Variants in MGAT4A observed in about 807,000 individuals in gnomAD.
MGAT4A encodes N-acetylglucosaminyltransferase IVa.
A neutral mutation model predicts 74.1 loss-of-function variants in MGAT4A; 33 were observed. The observed-to-expected ratio is 0.45, with a 90% CI of 0.34 to 0.60. MGAT4A has a LOEUF of 0.60. Among genes scored for constraint, MGAT4A ranks in the 20% least tolerant of loss-of-function variants. The pLI is 0.02. For synonymous variants in MGAT4A, 198 were observed against 210.4 expected, an observed-to-expected ratio of 0.94 and a Z score of 0.51; for missense variants, 479 against 628.3, an observed-to-expected ratio of 0.76 and a Z score of 2.54.
intron 1 of MGAT4A, among the ~76,000 whole-genome samples, chr2:98,729,988 G>T (rs560163471): frequency 4.6e-5 from 7 of 152,288 alleles, no homozygotes; most frequent in African/African-American, 1.7e-4. Flanking sequence ...TTACACGTGT[G>T]GGTTAAAGAA....
At chr2:98,675,678 C>T (rs779413982) in intron 3 of MGAT4A, among the ~76,000 whole-genome samples, 2 of 151,782 alleles carry the variant, frequency 1.3e-5, no homozygotes, top group African/African-American at 4.8e-5. Context: ...CTCCTGAGTA[C>T]CTGGGACTGC....
intron 14 of MGAT4A, among the ~76,000 whole-genome samples, chr2:98,631,304 G>A (rs761291568): frequency 3.3e-5 from 5 of 152,220 alleles, no homozygotes; most frequent in Non-Finnish European, 7.3e-5. Context: ...CCCCTCTCCA[G>A]GGCCAGTCTT....
intron 2 of MGAT4A, among the ~76,000 whole-genome samples, chr2:98,699,223 T>C (rs761916232): frequency 3.2e-4 from 48 of 152,232 alleles, no homozygotes; most frequent in Admixed American, 7.9e-4. Context: ...TCAAAGGCTA[T>C]TACTGCGGGC....
In MGAT4A at chr2:98,678,363, T is replaced by A. The variant is rs936305250; in HGVS notation, c.203A>T (p.Gln68Leu). ...TGTTTCTGCTCCTACACGCTTGAACTGTTGCACAATCGTATTTAATTCAGA... is the reference window on the plus strand; with the variant it reads ...TGTTTCTGCTCCTACACGCTTGAACAGTTGCACAATCGTATTTAATTCAGA... ...RSSELNTIVQ[Q>L]FKRVGAETNG... The change falls in exon 3 of 16, where the codon CAG (glutamine) becomes CTG (leucine). Residue 68 changes from glutamine (Q) to leucine (L), a missense_variant. Gln to Leu is a moderately radical substitution (Grantham distance 113). Coordinates refer to ENST00000393487, the MANE Select transcript of MGAT4A (RefSeq NM_012214.3). 8 of 1,571,318 alleles carry A rather than the reference T, an allele frequency of 5.1e-6. No homozygotes were observed. In the Admixed American group the frequency reaches 1.2e-4, roughly 23 times the overall value.
In MGAT4A at chr2:98,663,046, C is replaced by T; in HGVS notation, c.537G>A (p.Glu179=). ...AACATAACAACAATTAAATAATTACCTCTCCTATGAAGACTACTATAACAC... is the reference window on the plus strand; with the variant it reads ...AACATAACAACAATTAAATAATTACTTCTCCTATGAAGACTACTATAACAC... ...LDCVIVVFIG[E]TDIDYVHGVV... Residue 179 remains glutamate (E), a splice_region_variant and synonymous_variant, in exon 5 of 16, where the codon GAG becomes GAA. Transcript: ENST00000393487. The T allele has an allele frequency of 6.7e-7, 1 of 1,482,098 alleles. No homozygotes were observed. Among genetic ancestry groups the T allele is most frequent in the Non-Finnish European group, 9.1e-7 (1 of 1,104,900 alleles). 91.8% of individuals were successfully genotyped at this position (1,482,098 alleles called of 1,614,324 possible).
At position 98,621,532 on chromosome 2, in the gene MGAT4A, T is replaced by C. The variant is rs1167531478; in HGVS notation, c.*4034A>G. 6.4e-7 allele frequency: 1 copy of C among 1,551,590 alleles called. No homozygotes were observed. The highest frequency in any genetic ancestry group is 8.7e-7 in the Non-Finnish European group (1 of 1,146,924). On this transcript the variant is annotated 3_prime_UTR_variant, in exon 16 of 16. Transcript: ENST00000393487. The stretch of plus-strand genomic sequence containing the variant: ...TTTTAAAGGAGTCACAAGATTTGAT[T>C]AGCCACCCCCAGACAGTCTTCCTTT...
Position 98,675,063 on chromosome 2 carries a change from A to G in MGAT4A, c.375T>C (p.Ala125=). Residue 125 remains alanine, a synonymous_variant, in exon 4 of 16, where the codon GCT becomes GCC. Coordinates refer to ENST00000393487, the MANE Select transcript of MGAT4A (RefSeq NM_012214.3). ...CTGTTCTTCCGTTGCCAATCTGTAC[A>G]GCAGGTTGAAGACTTCCTTCATTTT... The part of the protein sequence containing the change: ...LLKNEGSLQP[A]VQIGNGRTGV... The G allele has an allele frequency of 1.9e-6, 3 of 1,611,652 alleles. No homozygotes were observed. Among genetic ancestry groups the G allele is most frequent in the South Asian group, 1.1e-5 (1 of 90,240 alleles).
At chr2:98,730,375 C>CT (rs1175979164) in intron 1 of MGAT4A, 19 of 152,206 alleles carry the variant, frequency 1.2e-4, no homozygotes, top group African/African-American at 4.3e-4. Flanking sequence ...CCTCAGGGTC[C>CT]TACTGCAGCT....
At chr2:98,675,541 C>T (rs1701967383) in intron 3 of MGAT4A, among the ~76,000 whole-genome samples, 1 of 150,198 alleles carries the variant, frequency 6.7e-6, no homozygotes, top group South Asian at 2.1e-4. Flanking sequence ...CCATCAATCA[C>T]TTCCATTTTC....
chr2:98,667,155 T>C (rs780626830), intron 4 of MGAT4A, among the ~76,000 whole-genome samples: 3 of 152,206 alleles, frequency 2.0e-5, no homozygotes, highest in Non-Finnish European at 2.9e-5. Flanking sequence ...CCTTCTGCCA[T>C]GATTGTGAGG....
At chr2:98,674,993 A>C in intron 4 of MGAT4A, 42 bp downstream of exon 4, 1 of 1,589,188 alleles carries the variant, frequency 6.3e-7, no homozygotes, top group Non-Finnish European at 8.5e-7. Context: ...AACACATTTA[A>C]CAGCAGTAGT....
At chr2:98,725,411 T>C (rs1011012734) in intron 2 of MGAT4A, among the ~76,000 whole-genome samples, 1 of 152,130 alleles carries the variant, frequency 6.6e-6, no homozygotes, top group Non-Finnish European at 1.5e-5. Context: ...CAAAGCAATC[T>C]TTTCAGTTGT....
chr2:98,625,125 C>A lies in MGAT4A; in HGVS notation c.*441G>T, dbSNP rs1330796350. On this transcript the variant is annotated 3_prime_UTR_variant, in exon 16 of 16. Coordinates refer to ENST00000393487, the MANE Select transcript of MGAT4A (RefSeq NM_012214.3). The stretch of plus-strand genomic sequence containing the variant: ...TTAAGTGTTTCTAATAAATTAATTC[C>A]ATAACATTTTTATGTATATTTATAT... 5 of 859,234 alleles carry A rather than the reference C, an allele frequency of 5.8e-6. No homozygotes were observed. The African/African-American group carries it at 9.2e-5, about 16-fold the overall frequency. 53.2% of individuals were successfully genotyped at this position (859,234 alleles called of 1,614,324 possible). A position where few individuals can be genotyped will look rare whatever the true frequency, so the allele number is the denominator to read the frequency against.
Position 98,623,724 on chromosome 2 carries a change from G to A in MGAT4A, c.*1842C>T. On this transcript the variant is annotated 3_prime_UTR_variant, in exon 16 of 16. Transcript: ENST00000393487. ...TAACTAAAAATTATAACAACATGGA[G>A]TGATGGAAATAATTGTACTGTATCA... 1 of 985,402 alleles carries A rather than the reference G, an allele frequency of 1.0e-6. No individual in the cohort carries two copies. The highest frequency in any genetic ancestry group is 1.2e-6 in the Non-Finnish European group (1 of 829,904). 61.0% of individuals were successfully genotyped at this position (985,402 alleles called of 1,614,324 possible). A position where few individuals can be genotyped will look rare whatever the true frequency, so the allele number is the denominator to read the frequency against.
At chr2:98,628,231 T>C (rs1256180568) in intron 14 of MGAT4A, among the ~76,000 whole-genome samples, 6 of 152,192 alleles carry the variant, frequency 3.9e-5, no homozygotes, top group Admixed American at 3.9e-4. Context: ...TTCCAAGTAA[T>C]AACTGAGCAG....
intron 2 of MGAT4A, 121 bp downstream of exon 2, chr2:98,726,118 C>G: frequency 1.6e-6 from 1 of 610,042 alleles, no homozygotes. Context: ...CAGAAAGAAA[C>G]TGCCAGCAGA....
intron 2 of MGAT4A, among the ~76,000 whole-genome samples, chr2:98,712,883 C>A (rs1702536933): frequency 6.6e-6 from 1 of 152,178 alleles, no homozygotes; most frequent in Non-Finnish European, 1.5e-5. Flanking sequence ...CCTTTTGGGC[C>A]AGGCACAGTG....
intron 2 of MGAT4A, among the ~76,000 whole-genome samples, chr2:98,724,923 T>C (rs1248013892): frequency 6.6e-6 from 1 of 152,224 alleles, no homozygotes; most frequent in Non-Finnish European, 1.5e-5. Context: ...AACTACTTCT[T>C]GATTGGCCGG....
intron 1 of MGAT4A, among the ~76,000 whole-genome samples, chr2:98,727,667 C>T (rs1474396574): frequency 6.6e-6 from 1 of 152,172 alleles, no homozygotes; most frequent in African/African-American, 2.4e-5. Flanking sequence ...AGGGAAAATT[C>T]TCTCTGGGGA....
Sources: gnomAD v4.1 joint callset for allele counts (sites outside exome capture counted in the v4.1 genomes callset) on GRCh38, gnomAD v4.1.1 for gene constraint, MANE v1.5 for transcripts, NCBI Gene and HGNC (gene_info 2026-07-23, HGNC 2026-07-21) for gene names.